PIEZO1: variants seen among roughly 807,000 people sequenced by gnomAD.
PIEZO1 encodes piezo type mechanosensitive ion channel component 1 (Er blood group).
Under a neutral mutation model 297.2 loss-of-function variants are expected in PIEZO1, and 296 were observed. That is an observed-to-expected ratio of 1.00 (90% CI 0.91 to 1.10). The LOEUF is 1.10. Ranked by LOEUF, PIEZO1 falls within the 50% of genes least tolerant of loss-of-function variation. The pLI, the probability that PIEZO1 is intolerant of heterozygous loss-of-function variation, is 0.00. For synonymous variants in PIEZO1, 2,427 were observed against 1,507.5 expected (o/e 1.61, Z -14.13); for missense variants, 5,018 against 3,455.5 (o/e 1.45, Z -11.34).
In PIEZO1 at chr16:88,741,514, T is replaced by A. The variant is rs61729707; in HGVS notation, c.429A>T (p.Ala143=). 2.3e-4 allele frequency: 355 copies of A among 1,535,668 alleles called. 1 individual carries two copies. In the African/African-American group the frequency reaches 4.3e-3, roughly 19 times the overall value. ...GATGTGGGCTCTGCCGGGTGTTCCT[T>A]GCAAGGCGCCCGCAGATGCCGAGGC... ...SVCLGICGRL[A]RNTRQSPHPR... Residue 143 remains alanine (A), a synonymous_variant, in exon 5 of 51, where the codon GCA becomes GCT. Coordinates refer to ENST00000301015, the MANE Select transcript of PIEZO1 (RefSeq NM_001142864.4).
chr16:88,744,324 G>C (rs1905897707), intron 2 of PIEZO1: 1 of 152,550 alleles, frequency 6.6e-6, no homozygotes, highest in Non-Finnish European at 1.5e-5. Flanking sequence ...CACTCAGGGA[G>C]AGCACGTGGC....
rs1268494221 is a variant in PIEZO1, at chr16:88,727,676, G to A, written c.3197-15C>T. 4 of 1,366,236 alleles carry A rather than the reference G, an allele frequency of 2.9e-6. No homozygotes were observed. The highest frequency in any genetic ancestry group is 9.8e-7 in the Non-Finnish European group (1 of 1,017,448). The allele number at this position is 1,366,236 out of a possible 1,614,324, so 84.6% of individuals were successfully genotyped here. On this transcript the variant is annotated splice_polypyrimidine_tract_variant and intron_variant, in intron 22 of 50. Transcript: ENST00000301015. ...CCAGGGATAATCTGGGGGAAGGGGT[G>A]TCATGTCAGGAAGGGCCGGGCCTGC... is the stretch of plus-strand genomic sequence containing the variant.
In PIEZO1 at chr16:88,722,382, C is replaced by G; in HGVS notation, c.4791G>C (p.Glu1597Asp). 1 of 1,507,766 alleles carries G rather than the reference C, an allele frequency of 6.6e-7. No individual in the cohort carries two copies. Among genetic ancestry groups the G allele is most frequent in the Non-Finnish European group, 8.9e-7 (1 of 1,124,074 alleles). The allele number at this position is 1,507,766 out of a possible 1,614,324, so 93.4% of individuals were successfully genotyped here. A position where few individuals can be genotyped will look rare whatever the true frequency, so the allele number is the denominator to read the frequency against. The change falls in exon 36 of 51, where the codon GAG (glutamate) becomes GAC (aspartate). Residue 1597 changes from glutamate to aspartate, a missense_variant. Physicochemically the swap from Glu to Asp is conservative, Grantham distance 45. Coordinates refer to ENST00000301015, the MANE Select transcript of PIEZO1 (RefSeq NM_001142864.4). ...PSTVSSGLGA[E>D]EPLSSMTDDM... ...CGTCTGTCATGCTGCTGAGTGGCTC[C>G]TCCGCGCCCAGCCCACTGGGGAGGG...
At chr16:88,728,026 G>A (rs574660295) in intron 22 of PIEZO1, among the ~76,000 whole-genome samples, 1 of 152,372 alleles carries the variant, frequency 6.6e-6, no homozygotes, top group South Asian at 2.1e-4. Flanking sequence ...CTGCAGCCAG[G>A]AAAAGTTCAA....
chr16:88,735,357 C>A, intron 12 of PIEZO1, 111 bp from the exon 13 acceptor site: 1 of 754,522 alleles, frequency 1.3e-6, no homozygotes, highest in Non-Finnish European at 2.3e-6. Flanking sequence ...AGGCGGCTGG[C>A]ACCAGCCCAT....
intron 4 of PIEZO1, 115 bp downstream of exon 4, chr16:88,741,938 G>A: frequency 3.5e-6 from 4 of 1,146,922 alleles, no homozygotes; most frequent in Non-Finnish European, 5.0e-6. Flanking sequence ...AGGTGTGGGT[G>A]GGAGTGTGGA....
chr16:88,732,248 C>T (rs1046499789), intron 21 of PIEZO1, 87 bp downstream of exon 21: 22 of 1,216,004 alleles, frequency 1.8e-5, no homozygotes, highest in Middle Eastern at 1.9e-4. Flanking sequence ...CAGGTGGGGC[C>T]AGGCTTGCGG....
chr16:88,721,752 G>C (rs770227450), intron 37 of PIEZO1, 26 bp from the exon 38 acceptor site: 2 of 1,535,312 alleles, frequency 1.3e-6, no homozygotes, highest in East Asian at 2.5e-5. Flanking sequence ...CTCAGCACGC[G>C]GGGAGGGTCA....
intron 1 of PIEZO1, among the ~76,000 whole-genome samples, chr16:88,779,824 C>G (rs917309605): frequency 6.6e-6 from 1 of 152,228 alleles, no homozygotes; most frequent in African/African-American, 2.4e-5. Flanking sequence ...CCCCGGCCAC[C>G]GCGGCACTCA....
Position 88,738,438 on chromosome 16 carries a change from T to C in PIEZO1, c.637A>G (p.Ile213Val). ...CTGGAGAGGGCCGAGGGGTGGGCGA[T>C]GCCTGCGGGGCAGGGGCACACAGGG... is the stretch of plus-strand genomic sequence containing the variant. The part of the protein sequence containing the change: ...LAVTLLALAG[I>V]AHPSALSSVY... The change falls in exon 7 of 51, where the codon ATC becomes GTC. Residue 213 changes from isoleucine (I) to valine (V), a missense_variant and splice_region_variant. Physicochemically the swap from Ile to Val is conservative, Grantham distance 29 (BLOSUM62 3). Coordinates refer to ENST00000301015, the MANE Select transcript of PIEZO1 (RefSeq NM_001142864.4). 2 of 1,535,578 alleles carry C rather than the reference T, an allele frequency of 1.3e-6. No individual in the cohort carries two copies. The highest frequency in any genetic ancestry group is 1.2e-5 in the South Asian group (1 of 84,052).
chr16:88,779,573 G>A (rs1051258379), intron 1 of PIEZO1, among the ~76,000 whole-genome samples: 7 of 152,198 alleles, frequency 4.6e-5, no homozygotes, highest in African/African-American at 1.4e-4. Context: ...CTGCTGCCCA[G>A]AGCTCTGTCC....
At chr16:88,780,236 T>C (rs1017000843) in intron 1 of PIEZO1, among the ~76,000 whole-genome samples, 2 of 152,232 alleles carry the variant, frequency 1.3e-5, no homozygotes, top group Admixed American at 1.3e-4. Flanking sequence ...GGCCTGTCCC[T>C]TCCCACCAGT....
At position 88,724,853 on chromosome 16, in the gene PIEZO1, A is replaced by G. The variant is rs73264772; in HGVS notation, c.4234+156T>C. The stretch of plus-strand genomic sequence containing the variant: ...ATAGTCAGCCCAGGGGTCTGCAGCC[A>G]GTGAGGCACCCCCCGACCCAGGAGG... On this transcript the variant is annotated intron_variant, in intron 30 of 50. Coordinates refer to ENST00000301015, the MANE Select transcript of PIEZO1 (RefSeq NM_001142864.4). 0.062 allele frequency among the ~76,000 whole-genome samples: 9,410 copies of G among 152,228 alleles called. 1,007 individuals carry two copies. Among genetic ancestry groups the G allele is most frequent in the African/African-American group, 0.21 (8,870 of 41,512 alleles).
rs982400049 is a variant in PIEZO1, at chr16:88,738,725, CTCA to C, written c.474_476del (p.Asp158del). The C allele has an allele frequency of 8.5e-6, 13 of 1,531,188 alleles. No homozygotes were observed. The highest frequency in any genetic ancestry group is 2.5e-5 in the East Asian group (1 of 40,776). The allele number at this position is 1,531,188 out of a possible 1,614,324, so 94.9% of individuals were successfully genotyped here. A position where few individuals can be genotyped will look rare whatever the true frequency, so the allele number is the denominator to read the frequency against. On this transcript the variant is annotated inframe_deletion, in exon 6 of 51. Coordinates refer to ENST00000301015, the MANE Select transcript of PIEZO1 (RefSeq NM_001142864.4). The stretch of plus-strand genomic sequence containing the variant: ...CCGTCGGGCTGGCATCCACATCCCT[CTCA>C]TCATCATCCTGCCAAGGTCACGGAC...
intron 22 of PIEZO1, 53 bp downstream of exon 22, chr16:88,731,653 G>A (rs1360804685): frequency 1.1e-5 from 15 of 1,408,230 alleles, no homozygotes; most frequent in African/African-American, 1.0e-4. Flanking sequence ...ACACCCCCAC[G>A]GGCATCCACA....
At chr16:88,768,975 G>A (rs1016514381) in intron 1 of PIEZO1, among the ~76,000 whole-genome samples, 4 of 152,242 alleles carry the variant, frequency 2.6e-5, no homozygotes, top group African/African-American at 9.6e-5. Context: ...GAGGACACCA[G>A]CCCTATTCAC....
In PIEZO1 at chr16:88,726,758, A is replaced by G; in HGVS notation, c.3656T>C (p.Ile1219Thr). The G allele has an allele frequency of 6.5e-7, 1 of 1,550,176 alleles. No homozygotes were observed. The highest frequency in any genetic ancestry group is 1.2e-5 in the South Asian group (1 of 84,060). ...GATGATGACGGTGACGTTGTACAGA[A>G]TGAGGCAGTCCCACAGCACGAGGCG... ...RARLVLWDCL[I>T]LYNVTVIISK... Residue 1219 changes from isoleucine to threonine, a missense_variant, in exon 25 of 51, where the codon ATT becomes ACT. Transcript: ENST00000301015.
chr16:88,750,208 C>T (rs967370527), intron 1 of PIEZO1, among the ~76,000 whole-genome samples: 1 of 151,928 alleles, frequency 6.6e-6, no homozygotes, highest in Non-Finnish European at 1.5e-5. Flanking sequence ...TGGTGGCGGG[C>T]ACCTGTAATT....
In PIEZO1 at chr16:88,725,674, G is replaced by C. The variant is rs1406003871; in HGVS notation, c.3979C>G (p.Leu1327Val). The change falls in exon 28 of 51, where the codon CTC (leucine) becomes GTC (valine). Residue 1327 changes from leucine (L) to valine (V), a missense_variant. Transcript: ENST00000301015. Reference sequence around the variant, plus strand: ...CTCTTGAGGTTGGCAGCGTTGTAGAGGGCGAAGCCCCTGTAGGGAGGCGGG... The same window carrying C: ...CTCTTGAGGTTGGCAGCGTTGTAGACGGCGAAGCCCCTGTAGGGAGGCGGG... ...TALLASRGFA[L>V]YNAANLKSID... 3 of 1,542,870 alleles carry C rather than the reference G, an allele frequency of 1.9e-6. No homozygotes were observed. The highest frequency in any genetic ancestry group is 2.4e-5 in the East Asian group (1 of 40,884).
Sources: gnomAD v4.1 joint callset for allele counts (sites outside exome capture counted in the v4.1 genomes callset) on GRCh38, gnomAD v4.1.1 for gene constraint, MANE v1.5 for transcripts, NCBI Gene and HGNC (gene_info 2026-07-23, HGNC 2026-07-21) for gene names.